MUC12: variants seen among roughly 807,000 people sequenced by gnomAD.
MUC12 encodes the protein mucin-12.
Under a neutral mutation model 230.8 loss-of-function variants are expected in MUC12, and 172 were observed. The observed-to-expected ratio is 0.75, with a 90% CI of 0.66 to 0.85. The LOEUF (loss-of-function observed/expected upper bound fraction) is 0.85, where lower values mean the gene tolerates loss of function less well. Among genes scored for constraint, MUC12 ranks in the 40% least tolerant of loss-of-function variants. MUC12 has a pLI of 0.00. For missense variants in MUC12, 3,506 were observed against 5,920.6 expected (o/e 0.59, Z 13.38); for synonymous variants, 1,259 against 2,401.9 (o/e 0.52, Z 13.91).
intron 8 of MUC12, among the ~76,000 whole-genome samples, 199 bp from the exon 9 acceptor site, chr7:101,013,714 C>T (rs1793874185): frequency 6.6e-6 from 1 of 152,210 alleles, no homozygotes; most frequent in Non-Finnish European, 1.5e-5. Flanking sequence ...AATTCCTGAT[C>T]TGCAGTCTCC....
chr7:101,005,259 C>G lies in MUC12; in HGVS notation c.14696C>G (p.Thr4899Arg), dbSNP rs762034490. 1.4e-5 allele frequency: 21 copies of G among 1,537,946 alleles called. No homozygotes were observed. In the South Asian group the frequency reaches 2.3e-4, roughly 17 times the overall value. Residue 4899 changes from threonine to arginine, a missense_variant, in exon 2 of 12, where the codon ACA (threonine) becomes AGA (arginine). Transcript: ENST00000536621. ...HTVLPATLTTTDIGQESTAFH... is the reference protein window; with the variant it reads ...HTVLPATLTTRDIGQESTAFH... ...GTGTTACCTGCCACCCTCACAACCACAGACATTGGTCAGGAATCAACAGCC... is the reference window on the plus strand; with the variant it reads ...GTGTTACCTGCCACCCTCACAACCAGAGACATTGGTCAGGAATCAACAGCC...
rs1793402410 is a variant in MUC12, at chr7:100,993,926, A to T, written c.3363A>T (p.Thr1121=). 6.9e-7 allele frequency: 1 copy of T among 1,446,396 alleles called. No individual in the cohort carries two copies. Among genetic ancestry groups the T allele is most frequent in the Admixed American group, 2.1e-5 (1 of 46,618 alleles). The allele number at this position is 1,446,396 out of a possible 1,614,324, so 89.6% of individuals were successfully genotyped here. ...PTTTLSPASM[T]SLGVGEESTT... ...CAACACTCTCACCTGCCAGCATGACAAGCCTGGGCGTCGGTGAAGAATCCA... is the reference window on the plus strand; with the variant it reads ...CAACACTCTCACCTGCCAGCATGACTAGCCTGGGCGTCGGTGAAGAATCCA... The change falls in exon 2 of 12, where the codon ACA becomes ACT. Residue 1121 remains threonine, a synonymous_variant. Transcript: ENST00000536621.
Position 101,015,641 on chromosome 7 carries a change from G to A in MUC12, c.15827G>A (p.Trp5276Ter), listed in dbSNP as rs1440937901. Residue 5276 changes from tryptophan (W) to a stop codon, truncating the protein, a stop_gained, in exon 10 of 12, where the codon TGG (tryptophan) becomes TAG (stop). Transcript: ENST00000536621. LOFTEE classifies it high-confidence loss of function. ...HREQYDVPQE[W>*]RKEGTPGIFQ... ...GAACAGTATGATGTGCCTCAAGAGTGGCGAAAGGAAGGCACCCCTGGCATC... is the reference window on the plus strand; with the variant it reads ...GAACAGTATGATGTGCCTCAAGAGTAGCGAAAGGAAGGCACCCCTGGCATC... 1 of 1,537,546 alleles carries A rather than the reference G, an allele frequency of 6.5e-7. No individual in the cohort carries two copies. Among genetic ancestry groups the A allele is most frequent in the Non-Finnish European group, 8.7e-7 (1 of 1,147,008 alleles).
chr7:101,009,221 G>A (rs761811617), intron 5 of MUC12, 62 bp downstream of exon 5: 174 of 1,470,548 alleles, frequency 1.2e-4, no homozygotes, highest in Non-Finnish European at 1.5e-4. Context: ...CTGCTTTCCT[G>A]CCTCCTCCTA....
At chr7:100,971,894 T>C (rs1792907742) in intron 1 of MUC12, among the ~76,000 whole-genome samples, 1 of 152,312 alleles carries the variant, frequency 6.6e-6, no homozygotes, top group Admixed American at 6.5e-5. Context: ...AGCCGTGTGT[T>C]AGAGACGGCC....
At chr7:100,972,096 A>AC (rs33957279) in intron 1 of MUC12, 1 of 686,504 alleles carries the variant, frequency 1.5e-6, no homozygotes, top group African/African-American at 1.8e-5. Flanking sequence ...AGATCCAGAG[A>AC]CCCCCTGCCC....
rs941445328 is a variant in MUC12 at position 101,013,079 on chromosome 7, C to T, written c.15575C>T (p.Thr5192Met). The stretch of plus-strand genomic sequence containing the variant: ...TGTGTGAACAAGTGCACCAAAGGAA[C>T]GAAGTCGCAAATGAACTGTAACCTG... ...LACVNKCTKGTKSQMNCNLGT... is the reference protein window; with the variant it reads ...LACVNKCTKGMKSQMNCNLGT... Residue 5192 changes from threonine to methionine, a missense_variant, in exon 8 of 12, where the codon ACG becomes ATG. Transcript: ENST00000536621. 15 of 1,537,192 alleles carry T rather than the reference C, an allele frequency of 9.8e-6. No homozygotes were observed. Among genetic ancestry groups the T allele is most frequent in the African/African-American group, 4.1e-5 (3 of 73,030 alleles).
intron 3 of MUC12, among the ~76,000 whole-genome samples, chr7:101,007,068 C>A (rs1383787813): frequency 6.6e-6 from 1 of 152,142 alleles, no homozygotes; most frequent in Non-Finnish European, 1.5e-5. Context: ...AGGTGATTCT[C>A]CTGCCTCAGC....
At position 101,004,959 on chromosome 7, in the gene MUC12, G is replaced by C; in HGVS notation, c.14396G>C (p.Ser4799Thr). Residue 4799 changes from serine to threonine, a missense_variant, in exon 2 of 12, where the codon AGT becomes ACT. Transcript: ENST00000536621. ...AGTCAGGAATCAACAACTTTCCACA[G>C]TAAGCCAGGCTCAACTGAGACAACA... is the stretch of plus-strand genomic sequence containing the variant. ...GLSQESTTFH[S>T]KPGSTETTLS... 6.5e-7 allele frequency: 1 copy of C among 1,537,710 alleles called. No homozygotes were observed. The highest frequency in any genetic ancestry group is 8.7e-7 in the Non-Finnish European group (1 of 1,147,044).
chr7:101,004,849 CA>C lies in MUC12; in HGVS notation c.14287del (p.Ser4763ValfsTer221). On this transcript the variant is annotated frameshift_variant, in exon 2 of 12. Transcript: ENST00000536621. LOFTEE classifies it high-confidence loss of function. ...CTGCCAGCATGACAAGCTCCAGCAT[CA>C]GTGGAGAACCCACCAGCTTGTATAG... ...SPASMTSSSISGEPTSLYSQA... is the reference protein window; with the variant it reads ...SPASMTSSSIXGEPTSLYSQA... 1 of 1,537,190 alleles carries C rather than the reference CA, an allele frequency of 6.5e-7. No homozygotes were observed. The highest frequency in any genetic ancestry group is 8.7e-7 in the Non-Finnish European group (1 of 1,146,530).
intron 1 of MUC12, chr7:100,972,062 C>G: frequency 1.4e-6 from 1 of 702,618 alleles, no homozygotes; most frequent in African/African-American, 1.7e-5. Flanking sequence ...AGGGCCACTC[C>G]GGAGGGCTCC....
In MUC12 at chr7:100,991,211, C is replaced by T. The variant is rs770285254; in HGVS notation, c.648C>T (p.Ser216=). Residue 216 remains serine (S), a synonymous_variant, in exon 2 of 12, where the codon TCC becomes TCT. Transcript: ENST00000536621. ...TLSPGTTTPS[S]LGPESTTFHS... Reference sequence around the variant, plus strand: ...CCCCTGGCACTACCACACCATCATCCCTTGGTCCAGAATCTACTACCTTCC... The same window carrying T: ...CCCCTGGCACTACCACACCATCATCTCTTGGTCCAGAATCTACTACCTTCC... The T allele has an allele frequency of 3.9e-6, 6 of 1,537,524 alleles. No homozygotes were observed. The East Asian group carries it at 9.8e-5, about 25-fold the overall frequency.
In MUC12 at chr7:101,003,387, T is replaced by C. The variant is rs1245915807; in HGVS notation, c.12824T>C (p.Phe4275Ser). Residue 4275 changes from phenylalanine to serine, a missense_variant, in exon 2 of 12, where the codon TTC becomes TCC. Coordinates refer to ENST00000536621, the MANE Select transcript of MUC12 (RefSeq NM_001164462.2). ...ASSLGPESTT[F>S]HSSPGSTETT... The stretch of plus-strand genomic sequence containing the variant: ...TCCCTTGGTCCAGAATCTACTACCT[T>C]CCACAGCAGCCCAGGCTCCACTGAA... 2 of 1,522,592 alleles carry C rather than the reference T, an allele frequency of 1.3e-6. No individual in the cohort carries two copies. The highest frequency in any genetic ancestry group is 1.2e-5 in the South Asian group (1 of 83,712). 94.3% of individuals were successfully genotyped at this position (1,522,592 alleles called of 1,614,324 possible).
At chr7:100,980,289 G>A (rs1011293905) in intron 1 of MUC12, among the ~76,000 whole-genome samples, 2 of 152,114 alleles carry the variant, frequency 1.3e-5, no homozygotes, top group Admixed American at 6.6e-5. Context: ...GATCCCGCCC[G>A]CCTTGGCCTC....
chr7:101,006,859 G>T (rs1342460751), intron 3 of MUC12, among the ~76,000 whole-genome samples: 2 of 152,166 alleles, frequency 1.3e-5, no homozygotes, highest in African/African-American at 4.8e-5. Context: ...TTACAGGAAT[G>T]CAATATGTAA....
chr7:100,980,948 A>G (rs934364158), intron 1 of MUC12, among the ~76,000 whole-genome samples: 62 of 152,138 alleles, frequency 4.1e-4, no homozygotes, highest in African/African-American at 1.3e-3. Context: ...GACTCTTCCA[A>G]TGGTCCCTGA....
chr7:100,991,947 G>T lies in MUC12; in HGVS notation c.1384G>T (p.Val462Phe), dbSNP rs1386355703. 1 of 1,537,918 alleles carries T rather than the reference G, an allele frequency of 6.5e-7. No homozygotes were observed. The highest frequency in any genetic ancestry group is 8.7e-7 in the Non-Finnish European group (1 of 1,147,070). Reference protein sequence around the residue: ...LPAGSTPSVLVGDSTPSPISS... With the variant: ...LPAGSTPSVLFGDSTPSPISS... ...TGCCGGCTCTACACCCTCAGTTCTT[G>T]TTGGAGACTCGACGCCCTCACCCAT... The change falls in exon 2 of 12, where the codon GTT becomes TTT. Residue 462 changes from valine (V) to phenylalanine (F), a missense_variant. Transcript: ENST00000536621.
At chr7:100,971,242 GC>G (rs1160607966) in intron 1 of MUC12, among the ~76,000 whole-genome samples, 1 of 152,280 alleles carries the variant, frequency 6.6e-6, no homozygotes, top group African/African-American at 2.4e-5. Flanking sequence ...AGGGGTCCTT[GC>G]TCAGCCTGGT....
Position 101,012,317 on chromosome 7 carries a change from G to A in MUC12, c.15273G>A (p.Lys5091=). Reference sequence around the variant, plus strand: ...CCAGCAACGGTAGCATCGTGGTCAAGAACGATGTCATCCTGGAGGCAGACT... The same window carrying A: ...CCAGCAACGGTAGCATCGTGGTCAAAAACGATGTCATCCTGGAGGCAGACT... The part of the protein sequence containing the change: ...RRLLNGSIVV[K]NDVILEADYT... Residue 5091 remains lysine (K), a synonymous_variant, in exon 6 of 12, where the codon AAG becomes AAA. Transcript: ENST00000536621. 1 of 1,537,316 alleles carries A rather than the reference G, an allele frequency of 6.5e-7. No individual in the cohort carries two copies. Among genetic ancestry groups the A allele is most frequent in the Non-Finnish European group, 8.7e-7 (1 of 1,146,928 alleles).
Sources: gnomAD v4.1 joint callset for allele counts (sites outside exome capture counted in the v4.1 genomes callset) on GRCh38, gnomAD v4.1.1 for gene constraint, MANE v1.5 for transcripts, NCBI Gene and HGNC (gene_info 2026-07-23, HGNC 2026-07-21) for gene names.